EPHA3: variants seen among roughly 807,000 people sequenced by gnomAD.
The protein encoded by EPHA3 is ephrin type-A receptor 3.
Under a neutral mutation model 107.1 loss-of-function variants are expected in EPHA3, and 42 were observed. The observed-to-expected ratio is 0.39, with a 90% CI of 0.31 to 0.51. The LOEUF is 0.51. Ranked by LOEUF, EPHA3 falls within the 20% of genes least tolerant of loss-of-function variation. EPHA3 has a pLI of 0.78. For missense variants in EPHA3, 1,183 were observed against 1,211.2 expected, an observed-to-expected ratio of 0.98 and a Z score of 0.35; for synonymous variants, 461 against 424.8, an observed-to-expected ratio of 1.09 and a Z score of -1.05.
intron 3 of EPHA3, among the ~76,000 whole-genome samples, chr3:89,280,215 T>C (rs1705908176): frequency 1.3e-5 from 2 of 152,206 alleles, no homozygotes; most frequent in South Asian, 2.1e-4. Flanking sequence ...ATAATAACTT[T>C]TGAATACCAT....
chr3:89,175,509 T>C (rs1705303004), intron 2 of EPHA3, among the ~76,000 whole-genome samples: 1 of 152,142 alleles, frequency 6.6e-6, no homozygotes, highest in Admixed American at 6.5e-5. Flanking sequence ...AACATATATA[T>C]TTTAGTATGT....
chr3:89,212,051 A>G (rs1412148583), intron 3 of EPHA3, among the ~76,000 whole-genome samples: 1 of 151,940 alleles, frequency 6.6e-6, no homozygotes, highest in African/African-American at 2.4e-5. Context: ...GGTGAAATAG[A>G]AATGCATATA....
chr3:89,202,091 A>C (rs1275648419), intron 2 of EPHA3, among the ~76,000 whole-genome samples: 1 of 152,070 alleles, frequency 6.6e-6, no homozygotes, highest in Non-Finnish European at 1.5e-5. Flanking sequence ...CCTTCACATG[A>C]TAATCTTTCC....
intron 3 of EPHA3, among the ~76,000 whole-genome samples, chr3:89,295,346 G>T (rs1706320177): frequency 6.6e-6 from 1 of 151,432 alleles, no homozygotes; most frequent in Non-Finnish European, 1.5e-5. Context: ...AATGTTGATG[G>T]CTGCTGACTG....
At chr3:89,264,886 A>G (rs1705500508) in intron 3 of EPHA3, among the ~76,000 whole-genome samples, 1 of 152,184 alleles carries the variant, frequency 6.6e-6, no homozygotes, top group Non-Finnish European at 1.5e-5. Flanking sequence ...ATATTAATGA[A>G]ATGAAAATGT....
At chr3:89,115,495 G>A (rs979246914) in intron 1 of EPHA3, among the ~76,000 whole-genome samples, 2 of 152,122 alleles carry the variant, frequency 1.3e-5, no homozygotes, top group African/African-American at 4.8e-5. Flanking sequence ...GAGATAGCTT[G>A]GTGGGTGGAT....
chr3:89,342,658 C>CT (rs1314212652), intron 5 of EPHA3, among the ~76,000 whole-genome samples: 2 of 151,950 alleles, frequency 1.3e-5, no homozygotes, highest in Non-Finnish European at 2.9e-5. Context: ...AATAATGCCC[C>CT]TTTGAGATAT....
chr3:89,281,822 A>T (rs1705955080), intron 3 of EPHA3, among the ~76,000 whole-genome samples: 1 of 152,128 alleles, frequency 6.6e-6, no homozygotes, highest in South Asian at 2.1e-4. Context: ...TGCCACACTA[A>T]ACATCTCTCT....
chr3:89,397,580 CTTTT>C (rs35334618), intron 6 of EPHA3, among the ~76,000 whole-genome samples: 1 of 131,104 alleles, frequency 7.6e-6, no homozygotes, highest in Non-Finnish European at 1.6e-5. Context: ...GCATCATTGC[CTTTT>C]TTTTTTTTTT....
chr3:89,229,979 T>C (rs890074170), intron 3 of EPHA3, among the ~76,000 whole-genome samples: 1 of 152,130 alleles, frequency 6.6e-6, no homozygotes, highest in Admixed American at 6.6e-5. Flanking sequence ...TTCAATTGTT[T>C]ACACTCGAGG....
intron 3 of EPHA3, among the ~76,000 whole-genome samples, chr3:89,230,308 T>A (rs1023697135): frequency 2.0e-5 from 3 of 152,072 alleles, no homozygotes; most frequent in Non-Finnish European, 4.4e-5. Context: ...AGGTGTATCA[T>A]CTCCATCACC....
chr3:89,301,403 G>A (rs1159553163), intron 3 of EPHA3, among the ~76,000 whole-genome samples: 2 of 151,954 alleles, frequency 1.3e-5, no homozygotes, highest in East Asian at 1.9e-4. Context: ...AAAAGAGAGG[G>A]CATTTTGTGA....
At chr3:89,272,973 T>G (rs1437549656) in intron 3 of EPHA3, among the ~76,000 whole-genome samples, 2 of 151,914 alleles carry the variant, frequency 1.3e-5, no homozygotes, top group African/African-American at 4.8e-5. Context: ...TATTACAAAA[T>G]TATAATCTAC....
intron 2 of EPHA3, among the ~76,000 whole-genome samples, chr3:89,149,966 T>C (rs1292917985): frequency 3.3e-5 from 5 of 151,968 alleles, no homozygotes; most frequent in African/African-American, 1.2e-4. Flanking sequence ...CACCGAAATA[T>C]ATTTCTGTGT....
intron 2 of EPHA3, among the ~76,000 whole-genome samples, chr3:89,207,105 A>G (rs1706123837): frequency 6.6e-6 from 1 of 152,176 alleles, no homozygotes; most frequent in Non-Finnish European, 1.5e-5. Flanking sequence ...TTAAACTGTG[A>G]TTGTCACAAC....
rs75955207 is a variant in EPHA3 at position 89,168,890 on chromosome 3, T to C, written c.154-40970T>C. 4.3e-3 allele frequency among the ~76,000 whole-genome samples: 648 copies of C among 152,190 alleles called. 4 individuals carry two copies. The highest frequency in any genetic ancestry group is 0.015 in the African/African-American group (621 of 41,558). Reference sequence around the variant, plus strand: ...CTGGTACACCATCAAAAAATAAAACTAGCAGAAAATTATAGAAAAGTCTCA... The same window carrying C: ...CTGGTACACCATCAAAAAATAAAACCAGCAGAAAATTATAGAAAAGTCTCA... On this transcript the variant is annotated intron_variant, in intron 2 of 16. Coordinates refer to ENST00000336596, the MANE Select transcript of EPHA3 (RefSeq NM_005233.6).
intron 1 of EPHA3, among the ~76,000 whole-genome samples, chr3:89,121,414 TACA>T (rs1209362439): frequency 1.3e-5 from 2 of 152,104 alleles, no homozygotes; most frequent in Non-Finnish European, 2.9e-5. Context: ...TCGTTTATAG[TACA>T]ACATTTTTAT....
At chr3:89,458,233 A>C (rs1020684140) in intron 15 of EPHA3, among the ~76,000 whole-genome samples, 3 of 152,216 alleles carry the variant, frequency 2.0e-5, no homozygotes, top group African/African-American at 7.2e-5. Flanking sequence ...CTAATATCTC[A>C]GAATATTAAC....
chr3:89,203,270 T>A (rs778016581), intron 2 of EPHA3, among the ~76,000 whole-genome samples: 133 of 149,910 alleles, frequency 8.9e-4, no homozygotes, highest in Admixed American at 1.7e-3. Context: ...GTTTTTTTTT[T>A]ATCTGGGAAG....
Sources: allele counts gnomAD v4.1 joint callset (sites outside exome capture counted in the v4.1 genomes callset), GRCh38; gene constraint gnomAD v4.1.1; transcripts MANE v1.5; gene names NCBI Gene and HGNC (gene_info 2026-07-23, HGNC 2026-07-21).